The following KLHL1 variants were observed in gnomAD, a reference collection of about 807,000 sequenced individuals.
KLHL1 encodes the protein kelch-like protein 1.
KLHL1 carries 47 observed loss-of-function variants against 77.7 expected under a neutral mutation model. The ratio of observed to expected loss-of-function variants is 0.60; its 90% CI spans 0.48 to 0.77. The LOEUF is 0.77. Ranked by LOEUF, KLHL1 falls within the 30% of genes least tolerant of loss-of-function variation. The probability of loss-of-function intolerance (pLI) is 0.00; values close to 1 mark genes in which losing one functional copy is unlikely to be tolerated. For missense variants in KLHL1, 925 were observed against 910.8 expected, an observed-to-expected ratio of 1.02 and a Z score of -0.20; for synonymous variants, 360 against 325.2, an observed-to-expected ratio of 1.11 and a Z score of -1.15.
intron 1 of KLHL1, among the ~76,000 whole-genome samples, chr13:70,016,391 C>A (rs1490914615): frequency 6.6e-6 from 1 of 152,226 alleles, no homozygotes; most frequent in African/African-American, 2.4e-5. Context: ...ACGAGGGAAT[C>A]CATGCACTCT....
intron 4 of KLHL1, among the ~76,000 whole-genome samples, chr13:69,896,940 G>C (rs57276801): frequency 6.6e-6 from 1 of 152,156 alleles, no homozygotes; most frequent in East Asian, 1.9e-4. Flanking sequence ...AATGTGCCGG[G>C]ATTACAGGTG....
At chr13:69,837,162 C>T (rs1406007869) in intron 6 of KLHL1, among the ~76,000 whole-genome samples, 5 of 151,660 alleles carry the variant, frequency 3.3e-5, no homozygotes, top group Non-Finnish European at 7.4e-5. Flanking sequence ...TTAGCTTATA[C>T]CTCACAACGG....
Position 69,780,699 on chromosome 13 carries a change from T to C in KLHL1, c.1639+16039A>G, listed in dbSNP as rs1294870868. On this transcript the variant is annotated intron_variant, in intron 7 of 10. Transcript: ENST00000377844. ...TTCTCTTTCTTCATATATATATATATATGTATATATATATATGTATATATA... is the reference window on the plus strand; with the variant it reads ...TTCTCTTTCTTCATATATATATATACATGTATATATATATATGTATATATA... 9.9e-3 allele frequency among the ~76,000 whole-genome samples: 164 copies of C among 16,488 alleles called. 5 individuals are homozygous for C. The highest frequency in any genetic ancestry group is 6.8e-3 in the Non-Finnish European group (63 of 9,310). The allele number at this position is 16,488 out of a possible 152,430, so 10.8% of individuals were successfully genotyped here. A position where few individuals can be genotyped will look rare whatever the true frequency, so the allele number is the denominator to read the frequency against.
chr13:70,009,367 A>G (rs1266556172), intron 1 of KLHL1, among the ~76,000 whole-genome samples: 2 of 152,164 alleles, frequency 1.3e-5, no homozygotes, highest in Non-Finnish European at 2.9e-5. Context: ...TAGGTGTTGC[A>G]TAGGTAAAGG....
At chr13:69,879,438 C>T (rs537407668) in intron 5 of KLHL1, among the ~76,000 whole-genome samples, 1 of 152,006 alleles carries the variant, frequency 6.6e-6, no homozygotes, top group African/African-American at 2.4e-5. Context: ...TTGGTAGCAA[C>T]ACACACAAAC....
chr13:69,827,376 T>C (rs555103005), intron 6 of KLHL1, among the ~76,000 whole-genome samples: 1 of 151,926 alleles, frequency 6.6e-6, no homozygotes, highest in Admixed American at 6.6e-5. Flanking sequence ...AAATTCTAAA[T>C]AAAAATAATA....
At chr13:70,018,963 C>T (rs532300248) in intron 1 of KLHL1, among the ~76,000 whole-genome samples, 1 of 152,308 alleles carries the variant, frequency 6.6e-6, no homozygotes, top group Non-Finnish European at 1.5e-5. Flanking sequence ...GAGATATCTG[C>T]TAATCAAGTG....
intron 1 of KLHL1, among the ~76,000 whole-genome samples, chr13:69,985,583 A>G (rs1884841196): frequency 6.6e-6 from 1 of 151,250 alleles, no homozygotes; most frequent in Non-Finnish European, 1.5e-5. Flanking sequence ...CAGTATGGAG[A>G]CTCTTAAGAA....
At position 70,086,596 on chromosome 13, in the gene KLHL1, AAG is replaced by A. The variant is rs1566564187; in HGVS notation, c.497+20605_497+20606del. Among the ~76,000 whole-genome samples, 82 of 34,348 alleles carry A rather than the reference AAG, an allele frequency of 2.4e-3. 4 individuals are homozygous for A. Among genetic ancestry groups the A allele is most frequent in the African/African-American group, 7.2e-3 (77 of 10,694 alleles). The allele number at this position is 34,348 out of a possible 152,430, so 22.5% of individuals were successfully genotyped here. Reference sequence around the variant, plus strand: ...TCAAAAAAAAAAAAAAAAAAAAAGAAAGAAAGAAAGAAAGAAAGAAAGAAAGA... The same window carrying A: ...TCAAAAAAAAAAAAAAAAAAAAAGAAAAAGAAAGAAAGAAAGAAAGAAAGA... On this transcript the variant is annotated intron_variant, in intron 1 of 10. Transcript: ENST00000377844.
At chr13:69,855,305 TAGATAGATAGATAGATA>T (rs1156423718) in intron 5 of KLHL1, among the ~76,000 whole-genome samples, 5 of 103,482 alleles carry the variant, frequency 4.8e-5, no homozygotes, top group African/African-American at 1.9e-4. Flanking sequence ...GATAGATAGA[TAGATAGATAGATAGATA>T]GATAGATAGA....
intron 1 of KLHL1, 108 bp downstream of exon 1, chr13:70,107,095 C>A (rs1391104574): frequency 1.3e-5 from 19 of 1,488,334 alleles, no homozygotes; most frequent in Non-Finnish European, 1.7e-5. Flanking sequence ...ATCTCTTAAC[C>A]CACATTTTCA....
intron 3 of KLHL1, among the ~76,000 whole-genome samples, chr13:69,942,263 T>C (rs1883387209): frequency 6.6e-6 from 1 of 152,060 alleles, no homozygotes; most frequent in Non-Finnish European, 1.5e-5. Context: ...ATATAAGGAA[T>C]GTCTTAGTTT....
chr13:69,926,753 C>T (rs1407413596), intron 4 of KLHL1, among the ~76,000 whole-genome samples: 1 of 151,696 alleles, frequency 6.6e-6, no homozygotes, highest in Non-Finnish European at 1.5e-5. Flanking sequence ...GGAGACCATC[C>T]TGGCAAACAT....
chr13:69,765,551 C>T (rs1037278465), intron 7 of KLHL1, among the ~76,000 whole-genome samples: 3 of 152,068 alleles, frequency 2.0e-5, no homozygotes, highest in African/African-American at 4.8e-5. Context: ...CTACAATGTC[C>T]GTGTCACAAT....
rs561721418 is a variant in KLHL1 at position 70,075,575 on chromosome 13, A to G, written c.497+31628T>C. Among the ~76,000 whole-genome samples, 57 of 108,580 alleles carry G rather than the reference A, an allele frequency of 5.2e-4. 1 individual carries two copies. The highest frequency in any genetic ancestry group is 1.9e-3 in the African/African-American group (55 of 29,540). 71.2% of individuals were successfully genotyped at this position (108,580 alleles called of 152,430 possible). A position where few individuals can be genotyped will look rare whatever the true frequency, so the allele number is the denominator to read the frequency against. On this transcript the variant is annotated intron_variant, in intron 1 of 10. Transcript: ENST00000377844. Reference sequence around the variant, plus strand: ...TACCTGTGTGTGTGTATGTGTATATATATATATATATATACACACACACAC... The same window carrying G: ...TACCTGTGTGTGTGTATGTGTATATGTATATATATATATACACACACACAC...
chr13:69,808,537 T>TG lies in KLHL1; in HGVS notation c.1415-11576_1415-11575insC, dbSNP rs1555270203. Among the ~76,000 whole-genome samples the TG allele has an allele frequency of 6.0e-5, 9 of 149,388 alleles. No homozygotes were observed. In the East Asian group the frequency reaches 1.8e-3, roughly 29 times the overall value. The stretch of plus-strand genomic sequence containing the variant: ...ATACGCCACAGTCATATCCCCAAGG[T>TG]AAAAAAAACAGAATAAAAAAATCAA... On this transcript the variant is annotated intron_variant, in intron 6 of 10. Coordinates refer to ENST00000377844, the MANE Select transcript of KLHL1 (RefSeq NM_020866.3).
chr13:69,828,799 G>A lies in KLHL1; in HGVS notation c.1414+10177C>T, dbSNP rs1234309062. On this transcript the variant is annotated intron_variant, in intron 6 of 10. Coordinates refer to ENST00000377844, the MANE Select transcript of KLHL1 (RefSeq NM_020866.3). ...ATTGCCAGCTTTCCACCACTTCCCT[G>A]GCAACCTGTATGACGCAGCAGAAGC... is the stretch of plus-strand genomic sequence containing the variant. Among the ~76,000 whole-genome samples the A allele has an allele frequency of 8.7e-5, 13 of 149,914 alleles. 1 individual carries two copies. Among genetic ancestry groups the A allele is most frequent in the African/African-American group, 3.0e-4 (12 of 39,886 alleles).
intron 6 of KLHL1, among the ~76,000 whole-genome samples, chr13:69,820,851 C>T (rs77749852): frequency 5.3e-5 from 8 of 152,166 alleles, no homozygotes; most frequent in Admixed American, 3.3e-4. Context: ...ACAAATGTGA[C>T]GTTTGGCACT....
intron 2 of KLHL1, among the ~76,000 whole-genome samples, chr13:69,961,914 T>C (rs1884077074): frequency 6.6e-6 from 1 of 152,050 alleles, no homozygotes; most frequent in East Asian, 1.9e-4. Context: ...TCCCTTTCTT[T>C]AATATTTTAA....
Sources: allele counts gnomAD v4.1 joint callset (sites outside exome capture counted in the v4.1 genomes callset), GRCh38; gene constraint gnomAD v4.1.1; transcripts MANE v1.5; gene names NCBI Gene and HGNC (gene_info 2026-07-23, HGNC 2026-07-21).